The following SNRNP200 variants were observed in gnomAD, a reference collection of about 807,000 sequenced individuals.
The protein encoded by SNRNP200 is U5 small nuclear ribonucleoprotein 200 kDa helicase.
In SNRNP200, 66 loss-of-function variants were observed where a neutral mutation model predicts 255.2. The observed-to-expected ratio is 0.26, with a 90% CI of 0.21 to 0.32. SNRNP200 has a LOEUF of 0.32. Ranked by LOEUF, SNRNP200 falls within the 10% of genes least tolerant of loss-of-function variation. The probability of loss-of-function intolerance (pLI) is 1.00; values close to 1 mark genes in which losing one functional copy is unlikely to be tolerated. For synonymous variants in SNRNP200, 939 were observed against 1,027.8 expected (o/e 0.91, Z 1.65); for missense variants, 1,585 against 2,749.8 (o/e 0.58, Z 9.47).
In SNRNP200 at chr2:96,283,173, T is replaced by C. The variant is rs1373815489; in HGVS notation, c.4915+28A>G. On this transcript the variant is annotated intron_variant, in intron 34 of 44. Transcript: ENST00000323853. This position sits in a 1 kb window ranked among gnomAD's most constrained non-coding sequence, Gnocchi z 4.7. ...CACCACCACTTGGTGATACCCTTGCTATGCTCCCCTTCCGTGGCCTGACTT... is the reference window on the plus strand; with the variant it reads ...CACCACCACTTGGTGATACCCTTGCCATGCTCCCCTTCCGTGGCCTGACTT... 1 of 1,613,266 alleles carries C rather than the reference T, an allele frequency of 6.2e-7. No individual in the cohort carries two copies. Among genetic ancestry groups the C allele is most frequent in the Admixed American group, 1.7e-5 (1 of 60,028 alleles).
intron 24 of SNRNP200, 57 bp downstream of exon 24, chr2:96,288,606 A>G: frequency 6.9e-7 from 1 of 1,444,402 alleles, no homozygotes; most frequent in Middle Eastern, 1.9e-4. Flanking sequence ...CACACAGCAC[A>G]CAGGGATTGA....
chr2:96,303,845 C>T (rs942310961), intron 2 of SNRNP200, among the ~76,000 whole-genome samples: 2 of 149,740 alleles, frequency 1.3e-5, no homozygotes, highest in East Asian at 2.0e-4. Context: ...AGAGAGATCA[C>T]GCCACTGCAC....
In SNRNP200 at chr2:96,282,039, G is replaced by A. The variant is rs1163976370; in HGVS notation, c.4916-117C>T. 4.2e-5 allele frequency: 32 copies of A among 755,142 alleles called. No individual in the cohort carries two copies. The East Asian group carries it at 8.3e-4, about 20-fold the overall frequency. 46.8% of individuals were successfully genotyped at this position (755,142 alleles called of 1,614,324 possible). On this transcript the variant is annotated intron_variant, in intron 34 of 44. Transcript: ENST00000323853. ...GCTATGTTTCAGAACTCACAGCAAG[G>A]CTGGCTAGGAACAAGGTCTAACATG...
Position 96,279,254 on chromosome 2 carries a change from C to T in SNRNP200, c.5133+197G>A, listed in dbSNP as rs971962318. 74 of 656,526 alleles carry T rather than the reference C, an allele frequency of 1.1e-4. No homozygotes were observed. In the East Asian group the frequency reaches 1.6e-3, roughly 14 times the overall value. 40.7% of individuals were successfully genotyped at this position (656,526 alleles called of 1,614,324 possible). A position where few individuals can be genotyped will look rare whatever the true frequency, so the allele number is the denominator to read the frequency against. ...CAAGTAGAGGGTGAAGACCTCAACA[C>T]GTGGAGCCAACGGCAGCAGCAAAAG... On this transcript the variant is annotated intron_variant, in intron 36 of 44. Coordinates refer to ENST00000323853, the MANE Select transcript of SNRNP200 (RefSeq NM_014014.5).
Position 96,291,789 on chromosome 2 carries a change from A to C in SNRNP200, c.2272T>G (p.Ser758Ala). The part of the protein sequence containing the change: ...LGLFLREGSA[S>A]TEVLRTEAEQ... ...GCTTCTGTTCGCAGGACTTCTGTGG[A>C]GGCTGAGCCCTCCCTCAGAAACAGA... The change falls in exon 17 of 45, where the codon TCC becomes GCC. Residue 758 changes from serine to alanine, a missense_variant. By Grantham distance (99) the Ser-to-Ala change is moderately conservative. Coordinates refer to ENST00000323853, the MANE Select transcript of SNRNP200 (RefSeq NM_014014.5). This position sits in a 1 kb window ranked among gnomAD's most constrained non-coding sequence, Gnocchi z 4.2. The C allele has an allele frequency of 6.2e-7, 1 of 1,614,180 alleles. No homozygotes were observed. The highest frequency in any genetic ancestry group is 1.1e-5 in the South Asian group (1 of 91,086).
intron 14 of SNRNP200, 98 bp downstream of exon 14, chr2:96,295,390 C>G: frequency 6.6e-7 from 1 of 1,510,204 alleles, no homozygotes; most frequent in Non-Finnish European, 9.2e-7. Flanking sequence ...AAGGCTAGTG[C>G]CTACAGAAAA....
Position 96,287,099 on chromosome 2 carries a change from G to T in SNRNP200, c.3546C>A (p.Pro1182=). Residue 1182 remains proline, a synonymous_variant, in exon 27 of 45, where the codon CCC becomes CCA. Coordinates refer to ENST00000323853, the MANE Select transcript of SNRNP200 (RefSeq NM_014014.5). The surrounding 1 kb of genome is among the most constrained non-coding windows in gnomAD (Gnocchi z 5.7). ...GCAGGTGCACTGACAACTCCAACTT[G>T]GGAAACAGATGGACATATTTGTGGA... is the stretch of plus-strand genomic sequence containing the variant. ...KTIHKYVHLF[P]KLELSVHLQP... is the part of the protein sequence containing the mutation. The T allele has an allele frequency of 6.2e-7, 1 of 1,614,066 alleles. No homozygotes were observed. Among genetic ancestry groups the T allele is most frequent in the Non-Finnish European group, 8.5e-7 (1 of 1,179,886 alleles).
chr2:96,301,903 T>A (rs1035815193), intron 3 of SNRNP200, among the ~76,000 whole-genome samples, 187 bp from the exon 4 acceptor site: 2 of 152,186 alleles, frequency 1.3e-5, no homozygotes, highest in African/African-American at 4.8e-5. Context: ...TTAAAAAGAT[T>A]AGCTAGGTGG....
At chr2:96,282,005 T>C in intron 34 of SNRNP200, 83 bp from the exon 35 acceptor site, 1 of 1,034,014 alleles carries the variant, frequency 9.7e-7, no homozygotes, top group Non-Finnish European at 1.5e-6. Flanking sequence ...AGGCCGTGGC[T>C]TACCCTGTGC....
chr2:96,283,230 C>T lies in SNRNP200; in HGVS notation c.4886G>A (p.Arg1629Gln), dbSNP rs780482691. ...YLHEGLSPME[R>Q]RLVEQLFSSG... ...GCTGAAGAGCTGCTCCACCAGGCGT[C>T]GCTCCATGGGGCTGAGCCCCTCATG... Residue 1629 changes from arginine (R) to glutamine (Q), a missense_variant, in exon 34 of 45, where the codon CGA (arginine) becomes CAA (glutamine). Physicochemically the swap from Arg to Gln is conservative, Grantham distance 43. Transcript: ENST00000323853. The surrounding 1 kb of genome is among the most constrained non-coding windows in gnomAD (Gnocchi z 4.7). 6 of 1,614,210 alleles carry T rather than the reference C, an allele frequency of 3.7e-6. No homozygotes were observed. In the South Asian group the frequency reaches 5.5e-5, roughly 15 times the overall value.
At chr2:96,301,155 C>G in intron 4 of SNRNP200, 102 bp from the exon 5 acceptor site, 1 of 966,624 alleles carries the variant, frequency 1.0e-6, no homozygotes, top group South Asian at 1.3e-5. Context: ...CAGGAAAGAT[C>G]TAAGTGCTAA....
At position 96,277,484 on chromosome 2, in the gene SNRNP200, A is replaced by G; in HGVS notation, c.5931+55T>C. The stretch of plus-strand genomic sequence containing the variant: ...ACCTCCCGCAACCCACGCTCGGTCC[A>G]CAACACTGGGCTCTCAGGCTCACCC... On this transcript the variant is annotated intron_variant, in intron 41 of 44. Coordinates refer to ENST00000323853, the MANE Select transcript of SNRNP200 (RefSeq NM_014014.5). This position sits in a 1 kb window ranked among gnomAD's most constrained non-coding sequence, Gnocchi z 4.4. 1 of 1,604,258 alleles carries G rather than the reference A, an allele frequency of 6.2e-7. No individual in the cohort carries two copies. The highest frequency in any genetic ancestry group is 8.5e-7 in the Non-Finnish European group (1 of 1,173,142).
chr2:96,282,509 T>C (rs910880424), intron 34 of SNRNP200: 2 of 177,882 alleles, frequency 1.1e-5, no homozygotes, highest in African/African-American at 4.8e-5. Context: ...ACGGTTTGGA[T>C]CTGTGTCTCC....
chr2:96,305,243 T>C (rs1158331158), intron 1 of SNRNP200, 150 bp downstream of exon 1: 9 of 1,058,642 alleles, frequency 8.5e-6, no homozygotes, highest in African/African-American at 1.6e-5. Context: ...GTTATTCACG[T>C]CATCGTATAA....
At chr2:96,280,928 C>T (rs1684749981) in intron 35 of SNRNP200, among the ~76,000 whole-genome samples, 1 of 148,866 alleles carries the variant, frequency 6.7e-6, no homozygotes, top group Non-Finnish European at 1.5e-5. Flanking sequence ...TCTTGGCTCA[C>T]TGCAACCTCT....
In SNRNP200 at chr2:96,286,249, A is replaced by G; in HGVS notation, c.4003+62T>C. 2 of 1,563,576 alleles carry G rather than the reference A, an allele frequency of 1.3e-6. No individual in the cohort carries two copies. Among genetic ancestry groups the G allele is most frequent in the South Asian group, 1.1e-5 (1 of 89,428 alleles). On this transcript the variant is annotated intron_variant, in intron 29 of 44. Coordinates refer to ENST00000323853, the MANE Select transcript of SNRNP200 (RefSeq NM_014014.5). This position sits in a 1 kb window ranked among gnomAD's most constrained non-coding sequence, Gnocchi z 4.8. ...GAGCACCCCCACTCCCCTGCCTGCC[A>G]CAGAGCACATCTGTCTCCCGGTGAC...
chr2:96,305,341 C>T, intron 1 of SNRNP200, 52 bp downstream of exon 1: 1 of 1,609,728 alleles, frequency 6.2e-7, no homozygotes, highest in Non-Finnish European at 8.5e-7. Flanking sequence ...TTCAGCCTCC[C>T]CCTCCCCATT....
intron 11 of SNRNP200, 137 bp from the exon 12 acceptor site, chr2:96,297,207 T>C: frequency 6.7e-7 from 1 of 1,492,236 alleles, no homozygotes; most frequent in Non-Finnish European, 9.2e-7. Flanking sequence ...GAGATCAATA[T>C]TGTCCCCTGG....
chr2:96,301,657 C>A lies in SNRNP200; in HGVS notation c.441G>T (p.Lys147Asn). The A allele has an allele frequency of 6.2e-7, 1 of 1,614,220 alleles. No individual in the cohort carries two copies. The highest frequency in any genetic ancestry group is 8.5e-7 in the Non-Finnish European group (1 of 1,180,042). The stretch of plus-strand genomic sequence containing the variant: ...CCTTTCGCCTTTCCTTGTCCCGCAG[C>A]TTTTCATTCTTTAGAACAGCTAGAA... Reference protein sequence around the residue: ...DEVLAVLKNEKLRDKERRKEI... With the variant: ...DEVLAVLKNENLRDKERRKEI... Residue 147 changes from lysine (K) to asparagine (N), a missense_variant, in exon 4 of 45, where the codon AAG (lysine) becomes AAT (asparagine). Lys to Asn is a moderately conservative substitution (Grantham distance 94, BLOSUM62 0). Transcript: ENST00000323853.
Sources: allele counts gnomAD v4.1 joint callset (sites outside exome capture counted in the v4.1 genomes callset), GRCh38; gene constraint gnomAD v4.1.1; non-coding constraint Gnocchi (gnomAD v3.1); transcripts MANE v1.5; gene names NCBI Gene and HGNC (gene_info 2026-07-23, HGNC 2026-07-21).